The following PCSK6 variants were observed in gnomAD, a reference collection of about 807,000 sequenced individuals.
The protein encoded by PCSK6 is paired basic amino acid cleaving enzyme 4.
Under a neutral mutation model 123.3 loss-of-function variants are expected in PCSK6, and 85 were observed. The ratio of observed to expected loss-of-function variants is 0.69; its 90% confidence interval spans 0.58 to 0.83. PCSK6 has a LOEUF of 0.83. Ranked by LOEUF, PCSK6 falls within the 40% of genes least tolerant of loss-of-function variation. PCSK6 has a pLI of 0.00. For missense variants in PCSK6, 1,191 were observed against 1,282.3 expected (o/e 0.93, Z 1.09); for synonymous variants, 508 against 516.0 (o/e 0.98, Z 0.21).
rs75097246 is a variant in PCSK6 at position 101,468,772 on chromosome 15, T to C, written c.297+20602A>G. Among the ~76,000 whole-genome samples the C allele has an allele frequency of 8.9e-3, 1,357 of 152,318 alleles. 20 individuals carry two copies. The highest frequency in any genetic ancestry group is 0.028 in the African/African-American group (1,154 of 41,570). On this transcript the variant is annotated intron_variant, in intron 1 of 21. Coordinates refer to ENST00000611716, the MANE Select transcript of PCSK6 (RefSeq NM_002570.5). ...ATCCACACAGGAAGGCACAGCTCTC[T>C]CTAGGATCAGCATGGAGTGTGCCCG...
At chr15:101,355,376 T>C (rs2041008008) in intron 13 of PCSK6, among the ~76,000 whole-genome samples, 1 of 152,252 alleles carries the variant, frequency 6.6e-6, no homozygotes, top group Non-Finnish European at 1.5e-5. Context: ...TAGACATTGA[T>C]GTCTCACAAT....
chr15:101,393,126 C>T (rs1172902144), intron 8 of PCSK6, 86 bp downstream of exon 8: 2 of 1,102,872 alleles, frequency 1.8e-6, no homozygotes, highest in Non-Finnish European at 2.7e-6. Flanking sequence ...CAATCTAAGC[C>T]ATCTTTCTGA....
intron 6 of PCSK6, among the ~76,000 whole-genome samples, chr15:101,406,111 C>T (rs553583639): frequency 6.6e-6 from 1 of 152,322 alleles, no homozygotes; most frequent in East Asian, 1.9e-4. Flanking sequence ...AACCTATCAA[C>T]ATGCAGCCGG....
At chr15:101,397,146 AG>A (rs1006547525) in intron 7 of PCSK6, among the ~76,000 whole-genome samples, 30 of 152,330 alleles carry the variant, frequency 2.0e-4, no homozygotes, top group African/African-American at 7.0e-4. Flanking sequence ...GCAGGGCAGC[AG>A]GGCTAGGGGT....
At chr15:101,401,568 A>C (rs537139308) in intron 6 of PCSK6, among the ~76,000 whole-genome samples, 1 of 152,334 alleles carries the variant, frequency 6.6e-6, no homozygotes, top group South Asian at 2.1e-4. Flanking sequence ...GGCATGCCAC[A>C]GGTGAAGACC....
intron 17 of PCSK6, among the ~76,000 whole-genome samples, chr15:101,323,732 A>G (rs1037920745): frequency 6.9e-5 from 1 of 14,418 alleles, no homozygotes; most frequent in East Asian, 1.4e-3. Context: ...CTCCATCTCG[A>G]AAAAAAAAAA....
At chr15:101,340,308 C>A (rs1039106569) in intron 13 of PCSK6, among the ~76,000 whole-genome samples, 5 of 152,088 alleles carry the variant, frequency 3.3e-5, no homozygotes, top group African/African-American at 9.7e-5. Context: ...CCTATAGCCA[C>A]AAAAACCCTG....
At position 101,384,353 on chromosome 15, in the gene PCSK6, G is replaced by A. The variant is rs143557151; in HGVS notation, c.1383C>T (p.Ser461=). ...KTSRPAHLKA[S]DWKVNGAGHK... is the part of the protein sequence containing the mutation. ...GACCCGCGCCGTTCACTTTCCAGTC[G>A]CTCGCTTTCAGGTGGGCCGGCCGGG... Residue 461 remains serine, a synonymous_variant, in exon 10 of 22, where the codon AGC becomes AGT. Coordinates refer to ENST00000611716, the MANE Select transcript of PCSK6 (RefSeq NM_002570.5). 35 of 1,613,644 alleles carry A rather than the reference G, an allele frequency of 2.2e-5. No individual in the cohort carries two copies. Among genetic ancestry groups the A allele is most frequent in the East Asian group, 1.6e-4 (7 of 44,876 alleles).
intron 6 of PCSK6, among the ~76,000 whole-genome samples, chr15:101,400,531 G>T (rs2042557411): frequency 6.6e-6 from 1 of 152,330 alleles, no homozygotes; most frequent in South Asian, 2.1e-4. Context: ...TTTTCCCTGA[G>T]GTTAAAAGAG....
intron 1 of PCSK6, among the ~76,000 whole-genome samples, chr15:101,483,240 TCTGGCCCATCATTTTAACAC>T (rs1211247736): frequency 2.6e-5 from 4 of 152,212 alleles, no homozygotes; most frequent in Non-Finnish European, 5.9e-5. Flanking sequence ...TGGAACAAGT[TCTGGCCCATCATTTTAACAC>T]CTGGTTAAGG....
chr15:101,431,847 C>A, intron 3 of PCSK6, 143 bp downstream of exon 3: 2 of 690,768 alleles, frequency 2.9e-6, no homozygotes, highest in South Asian at 3.5e-5. Context: ...CACAGCCTTG[C>A]GGTAGTGGTT....
At chr15:101,316,827 A>C (rs983834424) in intron 19 of PCSK6, among the ~76,000 whole-genome samples, 3 of 151,234 alleles carry the variant, frequency 2.0e-5, no homozygotes, top group African/African-American at 7.3e-5. Context: ...ATGGCCGGCC[A>C]CGTGGGGAGG....
intron 1 of PCSK6, among the ~76,000 whole-genome samples, chr15:101,464,364 A>G (rs2057407755): frequency 6.6e-6 from 1 of 152,008 alleles, no homozygotes; most frequent in Admixed American, 6.6e-5. Flanking sequence ...ACGTGTGGAC[A>G]AGGTGGTTCC....
intron 1 of PCSK6, among the ~76,000 whole-genome samples, chr15:101,451,887 G>A (rs997142735): frequency 6.6e-6 from 1 of 152,124 alleles, no homozygotes; most frequent in African/African-American, 2.4e-5. Flanking sequence ...AAATATAGAT[G>A]ACCACTGGAC....
intron 18 of PCSK6, among the ~76,000 whole-genome samples, chr15:101,320,866 C>T (rs2040104047): frequency 6.6e-6 from 1 of 152,246 alleles, no homozygotes; most frequent in South Asian, 2.1e-4. Context: ...GCACGCCTCT[C>T]TGAAAGCTCG....
rs150234646 is a variant in PCSK6, at chr15:101,387,912, G to A, written c.1310+1552C>T. ...TTCCTTGACCAATCCTGTAAGTGTC[G>A]AGCGCTCTAGACTGACATTGTTCCA... On this transcript the variant is annotated intron_variant, in intron 9 of 21. Transcript: ENST00000611716. 3.6e-4 allele frequency among the ~76,000 whole-genome samples: 55 copies of A among 152,312 alleles called. No individual in the cohort carries two copies. In the Middle Eastern group the frequency reaches 0.01, roughly 28 times the overall value.
intron 11 of PCSK6, among the ~76,000 whole-genome samples, chr15:101,379,005 C>T (rs913425971): frequency 9.2e-5 from 14 of 152,324 alleles, no homozygotes; most frequent in Admixed American, 2.6e-4. Context: ...CTCGGGCAGG[C>T]GGGGCTGTGA....
At chr15:101,346,534 A>C in intron 13 of PCSK6, 1 of 253,242 alleles carries the variant, frequency 3.9e-6, no homozygotes, top group Non-Finnish European at 7.4e-6. Flanking sequence ...TTGAACACGA[A>C]GTGTTTCTGG....
intron 1 of PCSK6, among the ~76,000 whole-genome samples, chr15:101,474,536 C>T (rs891152630): frequency 6.6e-6 from 1 of 152,152 alleles, no homozygotes; most frequent in Non-Finnish European, 1.5e-5. Context: ...AGCAAATGAA[C>T]CCCCCTACCC....
Sources: allele counts gnomAD v4.1 joint callset (sites outside exome capture counted in the v4.1 genomes callset), GRCh38; gene constraint gnomAD v4.1.1; transcripts MANE v1.5; gene names NCBI Gene and HGNC (gene_info 2026-07-23, HGNC 2026-07-21).